The following OTOGL variants were observed in gnomAD, a reference collection of about 807,000 sequenced individuals.
The protein encoded by OTOGL is otogelin like.
A neutral mutation model predicts 318.5 loss-of-function variants in OTOGL; 285 were observed. The observed-to-expected ratio is 0.89, with a 90% CI of 0.81 to 0.99. The LOEUF (loss-of-function observed/expected upper bound fraction) is 0.99, where lower values mean the gene tolerates loss of function less well. OTOGL is among the 50% of genes least tolerant of loss of function. The pLI, the probability that OTOGL is intolerant of heterozygous loss-of-function variation, is 0.00. For missense variants in OTOGL, 2,899 were observed against 2,845.6 expected, an observed-to-expected ratio of 1.02 and a Z score of -0.43; for synonymous variants, 987 against 936.5, an observed-to-expected ratio of 1.05 and a Z score of -0.99.
intron 7 of OTOGL, among the ~76,000 whole-genome samples, chr12:80,228,585 T>G (rs113565065): frequency 0.023 from 3,447 of 152,310 alleles, 139 homozygotes; most frequent in African/African-American, 0.078. Context: ...TTGTAATCTC[T>G]GTTTTCTTTC....
At chr12:80,345,575 A>G (rs1310439809) in intron 44 of OTOGL, among the ~76,000 whole-genome samples, 2 of 152,126 alleles carry the variant, frequency 1.3e-5, no homozygotes, top group Non-Finnish European at 2.9e-5. Context: ...TGAAAATATA[A>G]TTTTTCATCA....
chr12:80,104,130 T>G (rs1869310187), intron 1 of OTOGL, among the ~76,000 whole-genome samples: 1 of 152,198 alleles, frequency 6.6e-6, no homozygotes, highest in Non-Finnish European at 1.5e-5. Context: ...CTGTAAGGGA[T>G]TCAGTGAGGT....
chr12:80,279,217 A>G (rs965287120), intron 26 of OTOGL, 51 bp downstream of exon 26: 1 of 1,496,654 alleles, frequency 6.7e-7, no homozygotes, highest in African/African-American at 1.4e-5. Context: ...GATTTAATGT[A>G]AAAAACAAGT....
At chr12:80,323,878 C>A in intron 35 of OTOGL, 38 bp downstream of exon 35, 1 of 1,485,424 alleles carries the variant, frequency 6.7e-7, no homozygotes, top group Non-Finnish European at 9.3e-7. Context: ...AAAGTCCAGC[C>A]TTAGCAAATT....
intron 26 of OTOGL, among the ~76,000 whole-genome samples, chr12:80,293,877 G>C (rs1565960691): frequency 6.6e-6 from 1 of 152,070 alleles, no homozygotes; most frequent in Non-Finnish European, 1.5e-5. Context: ...GCTGCCTAAG[G>C]CTATGGTATC....
intron 32 of OTOGL, among the ~76,000 whole-genome samples, chr12:80,316,293 T>G (rs537510666): frequency 5.5e-4 from 83 of 152,264 alleles, no homozygotes; most frequent in African/African-American, 1.8e-3. Flanking sequence ...TCTGAGAAAA[T>G]GCTCCAATAA....
Position 80,320,536 on chromosome 12 carries a change from G to A in OTOGL, c.3917G>A (p.Arg1306Lys). The change falls in exon 34 of 59, where the codon AGA becomes AAA. Residue 1306 changes from arginine (R) to lysine (K), a missense_variant. Transcript: ENST00000547103. ...GAGGCGAATTCAGCCTTTCATCGGAGAGCAACATTTTTCCACCATCAGGGC... is the reference window on the plus strand; with the variant it reads ...GAGGCGAATTCAGCCTTTCATCGGAAAGCAACATTTTTCCACCATCAGGGC... ...LWEANSAFHRRATFFHHQGLW... is the reference protein window; with the variant it reads ...LWEANSAFHRKATFFHHQGLW... 6.2e-7 allele frequency: 1 copy of A among 1,613,584 alleles called. No homozygotes were observed. Among genetic ancestry groups the A allele is most frequent in the Non-Finnish European group, 8.5e-7 (1 of 1,179,722 alleles).
chr12:80,226,101 A>T (rs1050235656), intron 7 of OTOGL, among the ~76,000 whole-genome samples: 2 of 150,968 alleles, frequency 1.3e-5, no homozygotes, highest in African/African-American at 2.4e-5. Flanking sequence ...TTATTTTTCA[A>T]AGTTAGGCCT....
intron 1 of OTOGL, among the ~76,000 whole-genome samples, chr12:80,119,373 C>T (rs1870353276): frequency 6.6e-6 from 1 of 152,224 alleles, no homozygotes; most frequent in South Asian, 2.1e-4. Context: ...TAGCTGGTCT[C>T]CTTGCCCCTA....
At chr12:80,106,766 C>G (rs1277495342) in intron 1 of OTOGL, among the ~76,000 whole-genome samples, 1 of 152,112 alleles carries the variant, frequency 6.6e-6, no homozygotes, top group Non-Finnish European at 1.5e-5. Context: ...AGCAATGCAA[C>G]AGTGGCCATT....
chr12:80,208,955 A>T (rs1877025321), intron 1 of OTOGL, among the ~76,000 whole-genome samples: 1 of 152,144 alleles, frequency 6.6e-6, no homozygotes, highest in Admixed American at 6.6e-5. Context: ...TAGACATCCT[A>T]GGAAAGATTG....
intron 28 of OTOGL, among the ~76,000 whole-genome samples, chr12:80,304,878 A>C (rs147112064): frequency 2.0e-5 from 3 of 152,306 alleles, no homozygotes; most frequent in Non-Finnish European, 4.4e-5. Context: ...AATGGAATCT[A>C]TCCCTTAATG....
chr12:80,364,916 G>T (rs1029639273), intron 52 of OTOGL, among the ~76,000 whole-genome samples: 1 of 152,008 alleles, frequency 6.6e-6, no homozygotes, highest in Non-Finnish European at 1.5e-5. Flanking sequence ...GAACTATAGT[G>T]AGATACCACT....
chr12:80,302,819 A>G (rs1885857568), intron 28 of OTOGL, 36 bp downstream of exon 28: 1 of 1,396,002 alleles, frequency 7.2e-7, no homozygotes, highest in East Asian at 2.5e-5. Flanking sequence ...GATGTAATGA[A>G]TAAAATCACA....
chr12:80,184,173 C>G (rs910680793), intron 1 of OTOGL, among the ~76,000 whole-genome samples: 2 of 152,188 alleles, frequency 1.3e-5, no homozygotes, highest in African/African-American at 4.8e-5. Flanking sequence ...CTTTTCTGTT[C>G]AACCCAGTCA....
intron 2 of OTOGL, 58 bp from the exon 3 acceptor site, chr12:80,210,789 C>T: frequency 8.7e-7 from 1 of 1,148,848 alleles, no homozygotes. Flanking sequence ...ACAACTGGAA[C>T]ATGTAGCCAA....
At chr12:80,244,796 G>A (rs1189662362) in intron 11 of OTOGL, among the ~76,000 whole-genome samples, 4 of 145,678 alleles carry the variant, frequency 2.7e-5, no homozygotes, top group East Asian at 2.0e-4. Flanking sequence ...GTGTAAAAGT[G>A]TTCCTATTTC....
In OTOGL at chr12:80,219,867, T is replaced by A; in HGVS notation, c.289T>A (p.Cys97Ser). 4 of 1,594,194 alleles carry A rather than the reference T, an allele frequency of 2.5e-6. No individual in the cohort carries two copies. Among genetic ancestry groups the A allele is most frequent in the Non-Finnish European group, 3.4e-6 (4 of 1,175,732 alleles). The change falls in exon 6 of 59, where the codon TGT (cysteine) becomes AGT (serine). Residue 97 changes from cysteine (C) to serine (S), a missense_variant. By Grantham distance (112) the Cys-to-Ser change is moderately radical. This residue lies in a region of OTOGL where 2,607 missense variants were observed against 2,524.9 expected (regional missense o/e 1.03). Transcript: ENST00000547103. ...AGCTTTCTGTTCTAAGACTGGAACA[T>A]GTGACTGTCAAATATTTCAGGCTCT... ...NGAFCSKTGT[C>S]DCQIFQALGT...
intron 6 of OTOGL, among the ~76,000 whole-genome samples, chr12:80,221,347 C>T (rs926040174): frequency 1.3e-5 from 2 of 150,498 alleles, no homozygotes; most frequent in Non-Finnish European, 2.9e-5. Flanking sequence ...TCACTGCAAC[C>T]TCCGCCTCCT....
Sources: gnomAD v4.1 joint callset for allele counts (sites outside exome capture counted in the v4.1 genomes callset) on GRCh38, gnomAD v4.1.1 for gene constraint, gnomAD v4.1.1 regional missense constraint, MANE v1.5 for transcripts, NCBI Gene and HGNC (gene_info 2026-07-23, HGNC 2026-07-21) for gene names.